The following TJP1 variants were observed in gnomAD, a reference collection of about 807,000 sequenced individuals.
The protein encoded by TJP1 is tight junction protein ZO-1.
TJP1 carries 43 observed loss-of-function variants against 194.2 expected under a neutral mutation model. The ratio of observed to expected loss-of-function variants is 0.22; its 90% CI spans 0.17 to 0.29. TJP1 has a LOEUF of 0.29. Among genes scored for constraint, TJP1 ranks in the 10% least tolerant of loss-of-function variants. The pLI is 1.00. For synonymous variants in TJP1, 801 were observed against 779.0 expected (o/e 1.03, Z -0.47); for missense variants, 1,971 against 2,185.7 (o/e 0.90, Z 1.96).
rs200615605 is a variant in TJP1, at chr15:29,708,816, T to C, written c.4593A>G (p.Pro1531=). The change falls in exon 25 of 28, where the codon CCA becomes CCG. Residue 1531 remains proline (P), a synonymous_variant. Transcript: ENST00000614355. ...CAAATGGTCGGGCAGAACTTGTATATGGTTTTGGTGTGAATCGATTGTATG... is the reference window on the plus strand; with the variant it reads ...CAAATGGTCGGGCAGAACTTGTATACGGTTTTGGTGTGAATCGATTGTATG... The part of the protein sequence containing the change: ...TPAYNRFTPK[P]YTSSARPFER... 25 of 1,614,196 alleles carry C rather than the reference T, an allele frequency of 1.5e-5. No homozygotes were observed. The African/African-American group carries it at 2.9e-4, about 19-fold the overall frequency.
rs146655035 is a variant in TJP1, at chr15:29,809,674, G to A, written c.28-8972C>T. On this transcript the variant is annotated intron_variant, in intron 1 of 27. Coordinates refer to ENST00000614355, the MANE Select transcript of TJP1 (RefSeq NM_001330239.4). ...AGGCTGGCCAACACGGTGAAACCCC[G>A]TCTCTACTAAAAATACAAAAAATTA... Among the ~76,000 whole-genome samples, 738 of 152,078 alleles carry A rather than the reference G, an allele frequency of 4.9e-3. 29 individuals are homozygous for A. In the East Asian group the frequency reaches 0.097, roughly 20 times the overall value.
chr15:29,771,986 G>A (rs1217440671), intron 4 of TJP1, 78 bp downstream of exon 4: 1 of 893,406 alleles, frequency 1.1e-6, no homozygotes, highest in African/African-American at 1.7e-5. Context: ...TAAATGGGAA[G>A]GATAAATTCA....
intron 2 of TJP1, among the ~76,000 whole-genome samples, chr15:29,892,213 A>C (rs2053334926): frequency 6.6e-6 from 1 of 151,922 alleles, no homozygotes; most frequent in South Asian, 2.1e-4. Context: ...CTGACCCAAA[A>C]CAAGGCCCTA....
chr15:29,966,964 T>C (rs1353512939), intron 1 of TJP1, among the ~76,000 whole-genome samples: 4 of 152,126 alleles, frequency 2.6e-5, no homozygotes, highest in African/African-American at 9.7e-5. Flanking sequence ...AATTGAACTG[T>C]GGCTAACCTT....
At position 29,780,204 on chromosome 15, in the gene TJP1, A is replaced by G. The variant is rs45550538; in HGVS notation, c.85-6847T>C. On this transcript the variant is annotated intron_variant, in intron 2 of 27. Transcript: ENST00000614355. ...TGTACTTTATTTCTATTATGATTAC[A>G]CTGTAATATATGATGAAATAATCAC... 5.3e-3 allele frequency among the ~76,000 whole-genome samples: 805 copies of G among 152,102 alleles called. 8 individuals carry two copies. The highest frequency in any genetic ancestry group is 0.018 in the African/African-American group (766 of 41,480).
In TJP1 at chr15:29,762,451, A is replaced by G; in HGVS notation, c.590-13T>C. ...CGAAGACCATATTCTGAAATAATGT[A>G]AGTAAGTGTTTTTAGTATAACATCC... On this transcript the variant is annotated splice_polypyrimidine_tract_variant and intron_variant, in intron 5 of 27. Coordinates refer to ENST00000614355, the MANE Select transcript of TJP1 (RefSeq NM_001330239.4). 6.2e-7 allele frequency: 1 copy of G among 1,602,912 alleles called. No homozygotes were observed. The highest frequency in any genetic ancestry group is 1.1e-5 in the South Asian group (1 of 90,484).
intron 2 of TJP1, among the ~76,000 whole-genome samples, chr15:29,898,252 G>T (rs1289135921): frequency 6.6e-6 from 1 of 152,092 alleles, no homozygotes; most frequent in African/African-American, 2.4e-5. Context: ...AAAAATGGGG[G>T]TTTTCCTTCA....
chr15:29,886,782 T>C (rs1035869855), intron 2 of TJP1, among the ~76,000 whole-genome samples: 4 of 151,414 alleles, frequency 2.6e-5, no homozygotes, highest in Non-Finnish European at 5.9e-5. Flanking sequence ...TTGTGAGAAA[T>C]ATAAAAAGTA....
In TJP1 at chr15:29,709,921, G is replaced by A. The variant is rs187823266; in HGVS notation, c.4373-885C>T. Among the ~76,000 whole-genome samples the A allele has an allele frequency of 1.2e-3, 186 of 152,234 alleles. 1 individual carries two copies. The highest frequency in any genetic ancestry group is 4.3e-3 in the African/African-American group (177 of 41,538). On this transcript the variant is annotated intron_variant, in intron 24 of 27. Transcript: ENST00000614355. ...GCACTCTTGAGAGGCCGAGGTGGGC[G>A]GATCACCTGAGGTCAGGAGTTCGTG...
intron 1 of TJP1, among the ~76,000 whole-genome samples, chr15:29,964,503 C>T (rs547779020): frequency 6.6e-6 from 1 of 152,182 alleles, no homozygotes; most frequent in East Asian, 1.9e-4. Flanking sequence ...GATGCAGCCA[C>T]AAAGAATGTT....
chr15:29,755,343 G>C (rs919867308), intron 8 of TJP1, among the ~76,000 whole-genome samples: 1 of 152,172 alleles, frequency 6.6e-6, no homozygotes, highest in Non-Finnish European at 1.5e-5. Context: ...TGCTCTACCT[G>C]CATGTTTATT....
intron 18 of TJP1, among the ~76,000 whole-genome samples, chr15:29,721,052 G>A (rs2042899268): frequency 6.6e-6 from 1 of 152,234 alleles, no homozygotes; most frequent in Non-Finnish European, 1.5e-5. Context: ...GCAAGGGGAA[G>A]AGGGAGAATG....
intron 2 of TJP1, among the ~76,000 whole-genome samples, chr15:29,910,294 G>C (rs1044201821): frequency 4.6e-5 from 7 of 152,296 alleles, no homozygotes; most frequent in Admixed American, 3.3e-4. Flanking sequence ...ACATCAAAGT[G>C]TGTTTATATT....
In TJP1 at chr15:29,766,347, G is replaced by A. The variant is rs749565170; in HGVS notation, c.508C>T (p.Arg170Trp). The A allele has an allele frequency of 2.2e-5, 36 of 1,614,082 alleles. No homozygotes were observed. Among genetic ancestry groups the A allele is most frequent in the Admixed American group, 1.0e-4 (6 of 59,998 alleles). ...GAAGCCACTGACCGCCTGTCTGACC[G>A]CGGGGACAAGCTCCTCTCTCTACTT... ...SASRERSLSP[R>W]SDRRSVASSQ... is the part of the protein sequence containing the mutation. The change falls in exon 5 of 28, where the codon CGG becomes TGG. Residue 170 changes from arginine (R) to tryptophan (W), a missense_variant. Coordinates refer to ENST00000614355, the MANE Select transcript of TJP1 (RefSeq NM_001330239.4).
intron 2 of TJP1, among the ~76,000 whole-genome samples, chr15:29,846,989 A>G (rs1465892717): frequency 6.6e-6 from 1 of 152,212 alleles, no homozygotes; most frequent in Non-Finnish European, 1.5e-5. Context: ...GTCTGAATAC[A>G]TATCAATGCC....
chr15:29,968,549 C>A (rs2056411597), intron 1 of TJP1: 10 of 802,846 alleles, frequency 1.2e-5, no homozygotes, highest in Non-Finnish European at 1.5e-5. Flanking sequence ...TCGGGCCCGA[C>A]AGTCGCGGCC....
chr15:29,955,407 C>T (rs1175034113), intron 2 of TJP1, among the ~76,000 whole-genome samples: 4 of 151,886 alleles, frequency 2.6e-5, no homozygotes, highest in Non-Finnish European at 5.9e-5. Flanking sequence ...TCAAGTGGGG[C>T]CTGAAAGTGC....
At chr15:29,822,562 CCGCGGCGGGG>C (rs1330245396), upstream of TJP1, 1 of 832,788 alleles carries the variant, frequency 1.2e-6, no homozygotes, top group Non-Finnish European at 1.4e-6. Flanking sequence ...GGGGGCGGGG[CCGCGGCGGGG>C]GAGGGGGCGG....
At chr15:29,765,217 A>C (rs568316490) in intron 5 of TJP1, among the ~76,000 whole-genome samples, 209 of 152,214 alleles carry the variant, frequency 1.4e-3, no homozygotes, top group Non-Finnish European at 2.3e-3. Flanking sequence ...CAGAGCGGAA[A>C]AGATACCAGA....
Sources: gnomAD v4.1 joint callset for allele counts (sites outside exome capture counted in the v4.1 genomes callset) on GRCh38, gnomAD v4.1.1 for gene constraint, MANE v1.5 for transcripts, NCBI Gene and HGNC (gene_info 2026-07-23, HGNC 2026-07-21) for gene names.